Variants in TBK1 observed in about 807,000 individuals in gnomAD.
TBK1 encodes serine/threonine-protein kinase TBK1.
Under a neutral mutation model 99.9 loss-of-function variants are expected in TBK1, and 37 were observed. That is an observed-to-expected ratio of 0.37 (90% CI 0.28 to 0.49). The LOEUF is 0.49. Ranked by LOEUF, TBK1 falls within the 20% of genes least tolerant of loss-of-function variation. The pLI, the probability that TBK1 is intolerant of heterozygous loss-of-function variation, is 0.98. For synonymous variants in TBK1, 258 were observed against 279.8 expected (o/e 0.92, Z 0.78); for missense variants, 644 against 872.5 (o/e 0.74, Z 3.30).
At chr12:64,478,649 A>G (rs1438567673) in intron 6 of TBK1, among the ~76,000 whole-genome samples, 7 of 152,226 alleles carry the variant, frequency 4.6e-5, no homozygotes, top group African/African-American at 1.7e-4. Flanking sequence ...CAGCAAGGAC[A>G]GTGTACATAT....
chr12:64,459,684 G>T (rs569229338), intron 2 of TBK1, among the ~76,000 whole-genome samples: 1 of 152,212 alleles, frequency 6.6e-6, no homozygotes, highest in Admixed American at 6.5e-5. Flanking sequence ...CCCCCACGTT[G>T]TCCTAGCTAC....
In TBK1 at chr12:64,474,355, A is replaced by G; in HGVS notation, c.666A>G (p.Arg222=). 1 of 1,614,044 alleles carries G rather than the reference A, an allele frequency of 6.2e-7. No individual in the cohort carries two copies. The highest frequency in any genetic ancestry group is 8.5e-7 in the Non-Finnish European group (1 of 1,180,006). The change falls in exon 6 of 21, where the codon AGA becomes AGG. Residue 222 remains arginine, a synonymous_variant. Coordinates refer to ENST00000331710, the MANE Select transcript of TBK1 (RefSeq NM_013254.4). The part of the protein sequence containing the change: ...YHAATGSLPF[R]PFEGPRRNKE... ...CAGCTACTGGATCACTGCCATTTAG[A>G]CCCTTTGAAGGGCCTCGTAGGAATA... is the stretch of plus-strand genomic sequence containing the variant.
intron 8 of TBK1, 101 bp downstream of exon 8, chr12:64,482,122 G>C: frequency 1.3e-6 from 1 of 748,390 alleles, no homozygotes; most frequent in Non-Finnish European, 1.9e-6. Flanking sequence ...TTCACCAAAA[G>C]TACCCATTTC....
At chr12:64,471,813 A>T (rs1049009416) in intron 5 of TBK1, among the ~76,000 whole-genome samples, 37 of 152,098 alleles carry the variant, frequency 2.4e-4, no homozygotes, top group African/African-American at 8.9e-4. Context: ...GCACAAATGT[A>T]TCAGACCAGC....
At chr12:64,482,105 C>T (rs1202044205) in intron 8 of TBK1, 84 bp downstream of exon 8, 3 of 972,376 alleles carry the variant, frequency 3.1e-6, no homozygotes, top group Non-Finnish European at 4.1e-6. Flanking sequence ...AGAAAAGATG[C>T]CTCAGCTTCA....
rs988794084 is a variant in TBK1, at chr12:64,474,292, A to C, written c.603A>C (p.Thr201=). ...ATCATCAGAAGAAATATGGAGCAACAGTTGATCTTTGGAGCATTGGGGTAA... is the reference window on the plus strand; with the variant it reads ...ATCATCAGAAGAAATATGGAGCAACCGTTGATCTTTGGAGCATTGGGGTAA... ...RKDHQKKYGA[T]VDLWSIGVTF... The change falls in exon 6 of 21, where the codon ACA becomes ACC. Residue 201 remains threonine (T), a synonymous_variant. Coordinates refer to ENST00000331710, the MANE Select transcript of TBK1 (RefSeq NM_013254.4). 1 of 1,614,006 alleles carries C rather than the reference A, an allele frequency of 6.2e-7. No individual in the cohort carries two copies. The highest frequency in any genetic ancestry group is 1.7e-5 in the Admixed American group (1 of 60,012).
At position 64,492,392 on chromosome 12, in the gene TBK1, C is replaced by T. The variant is rs188785533; in HGVS notation, c.1521+2273C>T. Reference sequence around the variant, plus strand: ...CGCGATCTTGGCTCACTGCAGCCTCCGCCTCCTGGGTTCAAGCAATTCTCC... The same window carrying T: ...CGCGATCTTGGCTCACTGCAGCCTCTGCCTCCTGGGTTCAAGCAATTCTCC... On this transcript the variant is annotated intron_variant, in intron 13 of 20. Coordinates refer to ENST00000331710, the MANE Select transcript of TBK1 (RefSeq NM_013254.4). Among the ~76,000 whole-genome samples the T allele has an allele frequency of 8.4e-3, 1,278 of 152,268 alleles. 17 individuals are homozygous for T. Among genetic ancestry groups the T allele is most frequent in the African/African-American group, 0.029 (1,189 of 41,536 alleles).
intron 19 of TBK1, 89 bp from the exon 20 acceptor site, chr12:64,497,879 T>C: frequency 7.1e-7 from 1 of 1,417,950 alleles, no homozygotes; most frequent in Non-Finnish European, 9.8e-7. Flanking sequence ...AGGTTATCTA[T>C]TGACCAGTTA....
chr12:64,460,079 T>G (rs1302265235), intron 2 of TBK1, 110 bp from the exon 3 acceptor site: 10 of 659,792 alleles, frequency 1.5e-5, no homozygotes, highest in South Asian at 4.8e-5. Context: ...GCCTAAAAGA[T>G]GCATGATGTT....
rs71092972 is a variant in TBK1, at chr12:64,497,621, C to CTTT, written c.1960-13_1960-11dup. ...TCTGTGATTAATGTGGGGTTTTTTT[C>CTTT]TTTTTTTTTTTTTTTTGATGTTTCA... On this transcript the variant is annotated intron_variant, in intron 18 of 20. Transcript: ENST00000331710. The CTTT allele has an allele frequency of 1.3e-3, 1,347 of 1,023,988 alleles. 1 individual carries two copies. Among genetic ancestry groups the CTTT allele is most frequent in the African/African-American group, 2.7e-3 (149 of 55,612 alleles). The allele number at this position is 1,023,988 out of a possible 1,614,324, so 63.4% of individuals were successfully genotyped here. A position where few individuals can be genotyped will look rare whatever the true frequency, so the allele number is the denominator to read the frequency against.
chr12:64,493,250 GA>G, intron 13 of TBK1, among the ~76,000 whole-genome samples: 2 of 152,002 alleles, frequency 1.3e-5, no homozygotes, highest in East Asian at 3.9e-4. Flanking sequence ...TTTATAAGTA[GA>G]AAAAAATACC....
chr12:64,485,807 T>C, intron 10 of TBK1, 119 bp from the exon 11 acceptor site: 1 of 613,786 alleles, frequency 1.6e-6, no homozygotes, highest in Non-Finnish European at 2.7e-6. Context: ...AAATTGGTGG[T>C]TTATTGTGTT....
intron 6 of TBK1, among the ~76,000 whole-genome samples, chr12:64,479,593 A>G (rs1056614340): frequency 2.0e-5 from 3 of 152,222 alleles, no homozygotes; most frequent in African/African-American, 7.2e-5. Context: ...TTTAAAGAAT[A>G]CTATTCATTC....
intron 2 of TBK1, 27 bp downstream of exon 2, chr12:64,455,984 C>G: frequency 6.6e-7 from 1 of 1,508,110 alleles, no homozygotes; most frequent in South Asian, 1.2e-5. Context: ...CTTTGAAGAC[C>G]TTTTATCACT....
At chr12:64,490,750 CA>C (rs1452743219) in intron 13 of TBK1, among the ~76,000 whole-genome samples, 6 of 151,888 alleles carry the variant, frequency 4.0e-5, no homozygotes, top group Admixed American at 3.3e-4. Flanking sequence ...CCAGCCTGGC[CA>C]ACATGGTGAA....
chr12:64,487,902 T>G (rs1019382399), intron 11 of TBK1, among the ~76,000 whole-genome samples: 1 of 152,232 alleles, frequency 6.6e-6, no homozygotes, highest in Non-Finnish European at 1.5e-5. Flanking sequence ...CTTCTTCAGA[T>G]GACATCACAA....
chr12:64,473,495 G>A (rs773460640), intron 5 of TBK1, among the ~76,000 whole-genome samples: 6 of 152,224 alleles, frequency 3.9e-5, no homozygotes, highest in Non-Finnish European at 8.8e-5. Flanking sequence ...AAACATTGCT[G>A]CATTAAATAA....
chr12:64,491,809 T>C (rs973772353), intron 13 of TBK1, among the ~76,000 whole-genome samples: 2 of 152,184 alleles, frequency 1.3e-5, no homozygotes, highest in African/African-American at 4.8e-5. Flanking sequence ...TTTCAAAATA[T>C]GAGTAATGAA....
At chr12:64,493,343 G>A (rs899364393) in intron 13 of TBK1, among the ~76,000 whole-genome samples, 6 of 152,122 alleles carry the variant, frequency 3.9e-5, no homozygotes, top group African/African-American at 9.7e-5. Flanking sequence ...TGGCTCCTGG[G>A]CCACAGGTCG....
Sources: allele counts gnomAD v4.1 joint callset (sites outside exome capture counted in the v4.1 genomes callset), GRCh38; gene constraint gnomAD v4.1.1; transcripts MANE v1.5; gene names NCBI Gene and HGNC (gene_info 2026-07-23, HGNC 2026-07-21).